The following ABCA13 variants were observed in gnomAD, a reference collection of about 807,000 sequenced individuals.
ABCA13 encodes ATP-binding cassette sub-family A member 13.
ABCA13 carries 476 observed loss-of-function variants against 478.7 expected under a neutral mutation model. That is an observed-to-expected ratio of 0.99 (90% CI 0.92 to 1.07). The LOEUF is 1.07. ABCA13 is among the 50% of genes least tolerant of loss of function. The pLI is 0.00. For missense variants in ABCA13, 6,060 were observed against 5,910.6 expected (o/e 1.03, Z -0.83); for synonymous variants, 2,252 against 2,158.9 (o/e 1.04, Z -1.20).
At chr7:48,382,182 A>T (rs1814497544) in intron 35 of ABCA13, among the ~76,000 whole-genome samples, 1 of 152,168 alleles carries the variant, frequency 6.6e-6, no homozygotes, top group Non-Finnish European at 1.5e-5. Context: ...ACAGCGAGTT[A>T]CAGTGCCTTT....
intron 5 of ABCA13, among the ~76,000 whole-genome samples, chr7:48,225,488 T>C (rs1188070897): frequency 6.6e-6 from 1 of 152,192 alleles, no homozygotes; most frequent in Non-Finnish European, 1.5e-5. Flanking sequence ...ATTTAACCTA[T>C]AGACTTTTTC....
intron 55 of ABCA13, among the ~76,000 whole-genome samples, chr7:48,563,827 T>TGC (rs2131279388): frequency 7.7e-6 from 1 of 129,220 alleles, no homozygotes; most frequent in East Asian, 2.1e-4. Flanking sequence ...TGTGTGTGTG[T>TGC]GTGTGTGTGT....
In ABCA13 at chr7:48,490,955, C is replaced by A. The variant is rs1829787141; in HGVS notation, c.13291+1611C>A. Among the ~76,000 whole-genome samples the A allele has an allele frequency of 2.0e-5, 3 of 152,058 alleles. No individual in the cohort carries two copies. The South Asian group carries it at 6.2e-4, about 32-fold the overall frequency. ...CTGCTCACAATTTTGAGGTTAAGGC[C>A]AGGATGAATCCAGAGGAAAAAAATG... On this transcript the variant is annotated intron_variant, in intron 48 of 61. Transcript: ENST00000435803.
chr7:48,235,065 G>A (rs2129001692), intron 8 of ABCA13, among the ~76,000 whole-genome samples: 1 of 152,318 alleles, frequency 6.6e-6, no homozygotes, highest in Admixed American at 6.5e-5. Flanking sequence ...CTCAGTCTCA[G>A]GGGTTAGATG....
chr7:48,520,001 A>T (rs1446367943), intron 52 of ABCA13, 40 bp from the exon 53 acceptor site: 1 of 1,551,940 alleles, frequency 6.4e-7, no homozygotes, highest in African/African-American at 1.4e-5. Context: ...AAAGGGGAAT[A>T]GCTTTTAATT....
Position 48,227,356 on chromosome 7 carries a change from T to C in ABCA13, c.563T>C (p.Leu188Pro), listed in dbSNP as rs1788374767. 1 of 1,614,012 alleles carries C rather than the reference T, an allele frequency of 6.2e-7. No homozygotes were observed. Among genetic ancestry groups the C allele is most frequent in the Non-Finnish European group, 8.5e-7 (1 of 1,179,894 alleles). ...IWDFLLLLPR[L>P]HTSHDHVEDG... ...GATTTTCTACTTTTACTGCCGAGACTACACACAAGCCATGATCATGTGGAA... is the reference window on the plus strand; with the variant it reads ...GATTTTCTACTTTTACTGCCGAGACCACACACAAGCCATGATCATGTGGAA... Residue 188 changes from leucine to proline, a missense_variant, in exon 6 of 62, where the codon CTA (leucine) becomes CCA (proline). By Grantham distance (98) the Leu-to-Pro change is moderately conservative. Transcript: ENST00000435803.
At chr7:48,350,890 C>T in intron 30 of ABCA13, 71 bp downstream of exon 30, 3 of 1,479,584 alleles carry the variant, frequency 2.0e-6, no homozygotes, top group Non-Finnish European at 1.8e-6. Flanking sequence ...GGGAGTTTCT[C>T]CCTAAAGGTG....
At chr7:48,515,668 G>A (rs1388698564) in intron 51 of ABCA13, among the ~76,000 whole-genome samples, 5 of 152,144 alleles carry the variant, frequency 3.3e-5, no homozygotes, top group Non-Finnish European at 7.4e-5. Flanking sequence ...GACAGTTACA[G>A]TGCTGTCTCC....
At chr7:48,173,486 A>T (rs1794431421) in intron 1 of ABCA13, among the ~76,000 whole-genome samples, 1 of 152,254 alleles carries the variant, frequency 6.6e-6, no homozygotes, top group African/African-American at 2.4e-5. Flanking sequence ...GAACAAGAAA[A>T]GTGAGTTCCT....
At chr7:48,249,385 A>T (rs1284057378) in intron 15 of ABCA13, 34 bp downstream of exon 15, 1 of 1,607,984 alleles carries the variant, frequency 6.2e-7, no homozygotes, top group Non-Finnish European at 8.5e-7. Flanking sequence ...GGAATGGGGG[A>T]TGCTTTCCCC....
At chr7:48,561,342 T>C (rs1412849346) in intron 55 of ABCA13, among the ~76,000 whole-genome samples, 2 of 152,144 alleles carry the variant, frequency 1.3e-5, no homozygotes, top group Non-Finnish European at 2.9e-5. Context: ...ATAATGTTTA[T>C]ACTAATACAC....
At chr7:48,191,650 C>T (rs1436238453) in intron 1 of ABCA13, among the ~76,000 whole-genome samples, 7 of 152,120 alleles carry the variant, frequency 4.6e-5, no homozygotes, top group Admixed American at 3.3e-4. Flanking sequence ...TCAAGTGATC[C>T]GTCTGCCTCG....
chr7:48,590,036 T>A (rs1345769324), intron 57 of ABCA13, among the ~76,000 whole-genome samples: 2 of 152,162 alleles, frequency 1.3e-5, no homozygotes, highest in Admixed American at 1.3e-4. Flanking sequence ...CCAGAACTTG[T>A]TTGTCCTGTA....
At chr7:48,206,498 A>G (rs943557395) in intron 3 of ABCA13, among the ~76,000 whole-genome samples, 6 of 152,196 alleles carry the variant, frequency 3.9e-5, no homozygotes, top group African/African-American at 1.4e-4. Context: ...CATTTCCCAC[A>G]GTACATTCTC....
At chr7:48,479,395 G>A (rs916191336) in intron 45 of ABCA13, among the ~76,000 whole-genome samples, 1 of 151,942 alleles carries the variant, frequency 6.6e-6, no homozygotes, top group African/African-American at 2.4e-5. Flanking sequence ...GTGCTACCAC[G>A]CCCTGCTAAT....
intron 38 of ABCA13, among the ~76,000 whole-genome samples, chr7:48,395,005 A>G (rs948040988): frequency 1.3e-5 from 2 of 152,142 alleles, no homozygotes; most frequent in Non-Finnish European, 2.9e-5. Flanking sequence ...GTAAGGATGA[A>G]CTGGGGTTGA....
In ABCA13 at chr7:48,278,357, T is replaced by C; in HGVS notation, c.7163T>C (p.Val2388Ala). The C allele has an allele frequency of 1.2e-6, 2 of 1,613,690 alleles. No homozygotes were observed. Among genetic ancestry groups the C allele is most frequent in the Non-Finnish European group, 1.7e-6 (2 of 1,179,754 alleles). ...KTENNIDFFT[V>A]VSQLFFHVNK... is the part of the protein sequence containing the mutation. ...GAAAATAATATAGACTTTTTCACAG[T>C]GGTGAGTCAGTTGTTTTTCCATGTG... is the stretch of plus-strand genomic sequence containing the variant. Residue 2388 changes from valine to alanine, a missense_variant, in exon 18 of 62, where the codon GTG (valine) becomes GCG (alanine). Val to Ala is a moderately conservative substitution (Grantham distance 64). Coordinates refer to ENST00000435803, the MANE Select transcript of ABCA13 (RefSeq NM_152701.5).
At chr7:48,378,926 C>A (rs1051585214) in intron 35 of ABCA13, among the ~76,000 whole-genome samples, 1 of 152,182 alleles carries the variant, frequency 6.6e-6, no homozygotes, top group African/African-American at 2.4e-5. Context: ...CCTCAATCCA[C>A]CTTTGAATGG....
intron 42 of ABCA13, among the ~76,000 whole-genome samples, chr7:48,442,674 G>A (rs1451119105): frequency 6.6e-6 from 1 of 152,200 alleles, no homozygotes; most frequent in African/African-American, 2.4e-5. Flanking sequence ...GACCTGGAGA[G>A]TTTGTTACAA....
Sources: allele counts gnomAD v4.1 joint callset (sites outside exome capture counted in the v4.1 genomes callset), GRCh38; gene constraint gnomAD v4.1.1; transcripts MANE v1.5; gene names NCBI Gene and HGNC (gene_info 2026-07-23, HGNC 2026-07-21).